VPS37A: variants seen among roughly 807,000 people sequenced by gnomAD.
The protein encoded by VPS37A is VPS37A subunit of ESCRT-I.
Under a neutral mutation model 49.8 loss-of-function variants are expected in VPS37A, and 30 were observed. That is an observed-to-expected ratio of 0.60 (90% CI 0.45 to 0.82). The LOEUF is 0.82. VPS37A is among the 40% of genes least tolerant of loss of function. The pLI, the probability that VPS37A is intolerant of heterozygous loss-of-function variation, is 0.00. For missense variants in VPS37A, 593 were observed against 464.4 expected (o/e 1.28, Z -2.55); for synonymous variants, 195 against 160.6 (o/e 1.21, Z -1.62).
At chr8:17,328,704 G>A in the VPS37A span, among the ~76,000 whole-genome samples, 1 of 151,948 alleles carries the variant, frequency 6.6e-6, no homozygotes, top group African/African-American at 2.4e-5. Context: ...ACATACCCCA[G>A]AACTTAAAAA....
chr8:17,256,178 C>G (rs941037216), intron 1 of VPS37A, among the ~76,000 whole-genome samples: 2 of 150,046 alleles, frequency 1.3e-5, no homozygotes, highest in Admixed American at 1.3e-4. Context: ...ATTAGTTGTA[C>G]TAATTTACAT....
chr8:17,324,295 C>G, the VPS37A span, among the ~76,000 whole-genome samples: 1 of 152,198 alleles, frequency 6.6e-6, no homozygotes, highest in East Asian at 1.9e-4. Flanking sequence ...GTCCCGGCTC[C>G]TGTGTGTTAA....
At chr8:17,266,011 G>A (rs759179567) in intron 2 of VPS37A, 30 bp downstream of exon 2, 57 of 1,573,928 alleles carry the variant, frequency 3.6e-5, no homozygotes, top group Non-Finnish European at 4.9e-5. Flanking sequence ...ACTTTTTCAT[G>A]TAAAAGGACT....
At chr8:17,293,133 G>T (rs748889489) in intron 11 of VPS37A, among the ~76,000 whole-genome samples, 4 of 151,928 alleles carry the variant, frequency 2.6e-5, no homozygotes, top group Non-Finnish European at 5.9e-5. Flanking sequence ...ATGTTTCTTG[G>T]AGGCTTTGTT....
downstream of VPS37A, chr8:17,300,252 A>C (rs564378279): frequency 1.3e-6 from 2 of 1,577,522 alleles, no homozygotes; most frequent in Non-Finnish European, 1.7e-6. Flanking sequence ...ATTTCAGGGG[A>C]AAAATCATAA....
the VPS37A span, among the ~76,000 whole-genome samples, chr8:17,307,436 T>G: frequency 1.3e-5 from 2 of 152,158 alleles, no homozygotes; most frequent in African/African-American, 4.8e-5. Context: ...ACACTGTTGG[T>G]GGGACTGTAA....
intron 1 of VPS37A, among the ~76,000 whole-genome samples, chr8:17,259,228 C>T (rs1812758842): frequency 6.6e-6 from 1 of 151,906 alleles, no homozygotes; most frequent in Non-Finnish European, 1.5e-5. Flanking sequence ...AAACTTTCTT[C>T]TTTGTATCAC....
intron 1 of VPS37A, among the ~76,000 whole-genome samples, chr8:17,262,044 C>A (rs9694712): frequency 6.6e-6 from 1 of 152,128 alleles, no homozygotes; most frequent in Non-Finnish European, 1.5e-5. Flanking sequence ...TCACCTCGAT[C>A]TTACTTTTTC....
intron 11 of VPS37A, among the ~76,000 whole-genome samples, chr8:17,294,563 C>T (rs1284052101): frequency 2.6e-5 from 4 of 152,152 alleles, no homozygotes; most frequent in African/African-American, 9.7e-5. Context: ...GAAACCCGGG[C>T]CCCTGGTGGT....
chr8:17,283,581 T>A (rs1402062630), intron 9 of VPS37A, among the ~76,000 whole-genome samples: 1 of 152,204 alleles, frequency 6.6e-6, no homozygotes. Context: ...TAATCCAGTT[T>A]TTTCCAGCAC....
chr8:17,250,572 A>G (rs1811883643), intron 1 of VPS37A, among the ~76,000 whole-genome samples: 1 of 152,032 alleles, frequency 6.6e-6, no homozygotes, highest in African/African-American at 2.4e-5. Flanking sequence ...TTGGCCATGA[A>G]AGTATCTTTT....
the VPS37A span, among the ~76,000 whole-genome samples, chr8:17,326,106 A>C: frequency 1.2e-4 from 19 of 152,314 alleles, no homozygotes; most frequent in African/African-American, 4.3e-4. Context: ...ACCCAAACCT[A>C]GGACTTCACA....
At chr8:17,329,317 T>C in the VPS37A span, among the ~76,000 whole-genome samples, 1 of 152,180 alleles carries the variant, frequency 6.6e-6, no homozygotes, top group Admixed American at 6.5e-5. Flanking sequence ...TAGTCAAACA[T>C]TGGTCAAGAC....
chr8:17,249,264 C>G (rs946467352), intron 1 of VPS37A, among the ~76,000 whole-genome samples: 1 of 152,128 alleles, frequency 6.6e-6, no homozygotes, highest in African/African-American at 2.4e-5. Context: ...AAGTGAGATT[C>G]TATAGCAGCA....
At chr8:17,253,985 A>G (rs1812206296) in intron 1 of VPS37A, among the ~76,000 whole-genome samples, 1 of 152,040 alleles carries the variant, frequency 6.6e-6, no homozygotes, top group Non-Finnish European at 1.5e-5. Flanking sequence ...TTGTGTAAGT[A>G]TGTGTGTGTG....
At chr8:17,315,037 CT>C in the VPS37A span, among the ~76,000 whole-genome samples, 54,628 of 152,122 alleles carry the variant, frequency 0.36, 12,023 homozygotes, top group East Asian at 0.75. Context: ...CCCTGTGGCC[CT>C]TGGGTAGTCA....
At chr8:17,289,552 G>A (rs182119793) in intron 11 of VPS37A, among the ~76,000 whole-genome samples, 1 of 152,156 alleles carries the variant, frequency 6.6e-6, no homozygotes, top group East Asian at 1.9e-4. Context: ...CTGTTCCATT[G>A]GTCTGTATGT....
rs1586111860 is a variant in VPS37A, at chr8:17,297,646, C to G, written c.*2660C>G. ...TAATATGCCTCAAATCAGTTTTATACTGGATTATTCCCTATGCTTTAAACC... is the reference window on the plus strand; with the variant it reads ...TAATATGCCTCAAATCAGTTTTATAGTGGATTATTCCCTATGCTTTAAACC... On this transcript the variant is annotated 3_prime_UTR_variant, in exon 12 of 12. Transcript: ENST00000324849. 1 of 151,978 alleles carries G rather than the reference C, an allele frequency of 6.6e-6. No individual in the cohort carries two copies. Among genetic ancestry groups the G allele is most frequent in the African/African-American group, 2.4e-5 (1 of 41,412 alleles). The allele number at this position is 151,978 out of a possible 1,614,324, so 9.4% of individuals were successfully genotyped here. A position where few individuals can be genotyped will look rare whatever the true frequency, so the allele number is the denominator to read the frequency against.
the VPS37A span, chr8:17,331,250 T>G: frequency 6.2e-7 from 1 of 1,610,812 alleles, no homozygotes; most frequent in Non-Finnish European, 8.5e-7. Flanking sequence ...TCTCATAGCC[T>G]TTCCCTGCAG....
Sources: allele counts gnomAD v4.1 joint callset (sites outside exome capture counted in the v4.1 genomes callset), GRCh38; gene constraint gnomAD v4.1.1; transcripts MANE v1.5; gene names NCBI Gene and HGNC (gene_info 2026-07-23, HGNC 2026-07-21).